Variants in TNNI3K observed in about 807,000 individuals in gnomAD.
TNNI3K encodes TNNI3 interacting kinase, also known as serine/threonine-protein kinase TNNI3K.
A neutral mutation model predicts 114.5 loss-of-function variants in TNNI3K; 140 were observed. That is an observed-to-expected ratio of 1.22 (90% CI 1.07 to 1.41). The LOEUF is 1.41. Among genes scored for constraint, TNNI3K ranks in the 40% most tolerant of loss-of-function variants. The pLI, the probability that TNNI3K is intolerant of heterozygous loss-of-function variation, is 0.00. For synonymous variants in TNNI3K, 347 were observed against 347.5 expected, an observed-to-expected ratio of 1.00 and a Z score of 0.02; for missense variants, 1,125 against 1,007.6, an observed-to-expected ratio of 1.12 and a Z score of -1.58.
intron 5 of TNNI3K, 127 bp from the exon 6 acceptor site, chr1:74,331,323 G>A (rs1660191720): frequency 1.2e-6 from 1 of 866,320 alleles, no homozygotes; most frequent in Non-Finnish European, 1.7e-6. Context: ...GGATAAGGTG[G>A]ATGGAAGAAA....
At chr1:74,423,730 C>T (rs897015277) in intron 17 of TNNI3K, among the ~76,000 whole-genome samples, 1 of 152,090 alleles carries the variant, frequency 6.6e-6, no homozygotes, top group African/African-American at 2.4e-5. Context: ...TACACATTCT[C>T]ATAAGATTTT....
At chr1:74,512,905 AT>A in intron 23 of TNNI3K, among the ~76,000 whole-genome samples, 1 of 152,214 alleles carries the variant, frequency 6.6e-6, no homozygotes, top group Admixed American at 6.5e-5. Flanking sequence ...TCACTATGTG[AT>A]CACCTAAAGC....
At chr1:74,432,604 G>A (rs1029834124) in intron 17 of TNNI3K, among the ~76,000 whole-genome samples, 2 of 152,042 alleles carry the variant, frequency 1.3e-5, no homozygotes, top group African/African-American at 4.8e-5. Flanking sequence ...CCAATCTCTT[G>A]AAGGGAGGAA....
intron 5 of TNNI3K, among the ~76,000 whole-genome samples, chr1:74,319,049 G>A (rs774799767): frequency 2.0e-5 from 3 of 152,204 alleles, no homozygotes; most frequent in African/African-American, 4.8e-5. Context: ...AGTTTCTATA[G>A]GTCAAGAATC....
intron 5 of TNNI3K, among the ~76,000 whole-genome samples, chr1:74,292,940 C>T (rs1298138681): frequency 1.3e-5 from 2 of 151,576 alleles, no homozygotes; most frequent in Non-Finnish European, 3.0e-5. Context: ...ATAGATTGAA[C>T]TTCTCTATCT....
intron 23 of TNNI3K, among the ~76,000 whole-genome samples, chr1:74,535,028 G>A (rs1184632077): frequency 1.7e-5 from 2 of 118,060 alleles, no homozygotes; most frequent in Non-Finnish European, 3.5e-5. Context: ...GCTGTGGCAT[G>A]TATGTAAAAA....
At chr1:74,542,664 C>A (rs950116971) in intron 24 of TNNI3K, among the ~76,000 whole-genome samples, 1 of 152,216 alleles carries the variant, frequency 6.6e-6, no homozygotes, top group Non-Finnish European at 1.5e-5. Flanking sequence ...ATATTTCGAT[C>A]CAACTGCATA....
intron 6 of TNNI3K, among the ~76,000 whole-genome samples, chr1:74,334,139 A>G (rs1170020471): frequency 2.0e-5 from 3 of 152,236 alleles, no homozygotes; most frequent in African/African-American, 7.2e-5. Flanking sequence ...TTCCAACTTT[A>G]GCAATGAAGA....
chr1:74,311,876 A>C (rs1482220020), intron 5 of TNNI3K, among the ~76,000 whole-genome samples: 1 of 152,226 alleles, frequency 6.6e-6, no homozygotes, highest in East Asian at 1.9e-4. Context: ...ATAATTTACA[A>C]ACTTTATAAC....
intron 21 of TNNI3K, among the ~76,000 whole-genome samples, chr1:74,466,412 C>A (rs1041548725): frequency 2.0e-5 from 3 of 151,960 alleles, no homozygotes; most frequent in African/African-American, 7.3e-5. Context: ...ATGGATGTCT[C>A]AAGCAAAGAG....
intron 20 of TNNI3K, among the ~76,000 whole-genome samples, chr1:74,449,641 A>T (rs1181293095): frequency 2.6e-5 from 4 of 151,760 alleles, no homozygotes; most frequent in African/African-American, 9.7e-5. Context: ...ACCAACAAAG[A>T]TCAAAAGAGA....
At chr1:74,293,559 A>G (rs1657804006) in intron 5 of TNNI3K, among the ~76,000 whole-genome samples, 1 of 151,680 alleles carries the variant, frequency 6.6e-6, no homozygotes, top group African/African-American at 2.4e-5. Flanking sequence ...TAAAAATATA[A>G]TTTTTGTACA....
chr1:74,326,546 C>G (rs796388081), intron 5 of TNNI3K, among the ~76,000 whole-genome samples: 5 of 152,214 alleles, frequency 3.3e-5, no homozygotes, highest in African/African-American at 1.2e-4. Flanking sequence ...GGTGAAAAAT[C>G]CTTTTACCTG....
intron 23 of TNNI3K, among the ~76,000 whole-genome samples, chr1:74,503,730 G>T (rs936394877): frequency 9.8e-4 from 149 of 152,196 alleles, no homozygotes; most frequent in African/African-American, 3.5e-3. Flanking sequence ...CAAGTGCCAC[G>T]ATGCCTATCA....
chr1:74,332,976 A>AAAAAAAAAAAAAAGAG (rs57556485), intron 6 of TNNI3K, among the ~76,000 whole-genome samples: 116 of 90,744 alleles, frequency 1.3e-3, no homozygotes, highest in Non-Finnish European at 2.0e-3. Flanking sequence ...AAAAAAAAAA[A>AAAAAAAAAAAAAAGAG]AGAGAGAGAC....
chr1:74,508,079 C>T (rs1016743550), intron 23 of TNNI3K, among the ~76,000 whole-genome samples: 1 of 152,222 alleles, frequency 6.6e-6, no homozygotes, highest in African/African-American at 2.4e-5. Context: ...TGTATTCTAA[C>T]ACAGACGGAG....
chr1:74,451,976 C>A (rs1160852594), intron 20 of TNNI3K, among the ~76,000 whole-genome samples: 3 of 151,830 alleles, frequency 2.0e-5, no homozygotes, highest in Admixed American at 1.3e-4. Context: ...CCTCTCCAAT[C>A]TCTAAACATC....
intron 24 of TNNI3K, among the ~76,000 whole-genome samples, chr1:74,542,798 CT>C (rs756842553): frequency 3.9e-4 from 60 of 152,268 alleles, no homozygotes; most frequent in Non-Finnish European, 6.8e-4. Flanking sequence ...CAATGAATGG[CT>C]TTCTTGCTTC....
Position 74,249,530 on chromosome 1 carries a change from G to T in TNNI3K, c.221G>T (p.Cys74Phe), listed in dbSNP as rs1458853357. The change falls in exon 3 of 25, where the codon TGT becomes TTT. Residue 74 changes from cysteine to phenylalanine, a missense_variant. Coordinates refer to ENST00000326637, the MANE Select transcript of TNNI3K (RefSeq NM_015978.3). ...TENGLSLLHL[C>F]CICGGKKSHI... Reference sequence around the variant, plus strand: ...AATGGGCTGTCTCTACTTCATTTATGTTGCATTTGTGGAGGTGAGTACTTG... The same window carrying T: ...AATGGGCTGTCTCTACTTCATTTATTTTGCATTTGTGGAGGTGAGTACTTG... The T allele has an allele frequency of 6.2e-7, 1 of 1,613,306 alleles. No individual in the cohort carries two copies. The highest frequency in any genetic ancestry group is 1.1e-5 in the South Asian group (1 of 90,974).
Sources: allele counts gnomAD v4.1 joint callset (sites outside exome capture counted in the v4.1 genomes callset), GRCh38; gene constraint gnomAD v4.1.1; transcripts MANE v1.5; gene names NCBI Gene and HGNC (gene_info 2026-07-23, HGNC 2026-07-21).